TECTA: variants seen among roughly 807,000 people sequenced by gnomAD.
TECTA encodes alpha-tectorin.
In TECTA, 128 loss-of-function variants were observed where a neutral mutation model predicts 216.8. The observed-to-expected ratio is 0.59, with a 90% CI of 0.51 to 0.68. The LOEUF is 0.68. Among genes scored for constraint, TECTA ranks in the 30% least tolerant of loss-of-function variants. The pLI is 0.00. For missense variants in TECTA, 2,551 were observed against 2,786.2 expected, an observed-to-expected ratio of 0.92 and a Z score of 1.90; for synonymous variants, 1,089 against 1,117.1, an observed-to-expected ratio of 0.97 and a Z score of 0.50.
chr11:121,127,679 G>A lies in TECTA; in HGVS notation c.1775-73G>A, dbSNP rs1946626178. 1 of 1,545,852 alleles carries A rather than the reference G, an allele frequency of 6.5e-7. No individual in the cohort carries two copies. The highest frequency in any genetic ancestry group is 1.1e-5 in the South Asian group (1 of 89,706). On this transcript the variant is annotated intron_variant, in intron 8 of 23. Coordinates refer to ENST00000392793, the MANE Select transcript of TECTA (RefSeq NM_005422.4). This position sits in a 1 kb window ranked among gnomAD's most constrained non-coding sequence, Gnocchi z 5.0. ...AGGAACTAAATGATCCAGGAGGAGCGTTAAGATTCTGGCGGGTTAGCACTC... is the reference window on the plus strand; with the variant it reads ...AGGAACTAAATGATCCAGGAGGAGCATTAAGATTCTGGCGGGTTAGCACTC...
intron 14 of TECTA, among the ~76,000 whole-genome samples, chr11:121,158,701 C>A (rs949586742): frequency 6.6e-6 from 1 of 152,090 alleles, no homozygotes; most frequent in Non-Finnish European, 1.5e-5. Flanking sequence ...CTGACTCACA[C>A]CCCCATTATC....
At chr11:121,168,297 T>A in intron 19 of TECTA, 80 bp downstream of exon 19, 1 of 1,580,016 alleles carries the variant, frequency 6.3e-7, no homozygotes, top group Non-Finnish European at 8.7e-7. Context: ...ATTGCTAGCG[T>A]TTGTCTTTGA....
chr11:121,119,005 AC>A (rs1946530379), intron 7 of TECTA, among the ~76,000 whole-genome samples: 1 of 118,196 alleles, frequency 8.5e-6, no homozygotes, highest in Non-Finnish European at 1.6e-5. Context: ...ACACACACAC[AC>A]ACACACACAC....
At chr11:121,130,947 G>GGATT (rs1222968837) in intron 10 of TECTA, among the ~76,000 whole-genome samples, 2 of 152,042 alleles carry the variant, frequency 1.3e-5, no homozygotes, top group Non-Finnish European at 2.9e-5. Flanking sequence ...GGGCATGGTG[G>GGATT]CTCACGCCTG....
intron 16 of TECTA, among the ~76,000 whole-genome samples, chr11:121,164,431 G>C (rs1947031066): frequency 6.6e-6 from 1 of 152,128 alleles, no homozygotes; most frequent in African/African-American, 2.4e-5. Flanking sequence ...ATTCTGTCTT[G>C]ATAGGCAGAG....
At chr11:121,145,233 T>C (rs1170266035) in intron 11 of TECTA, among the ~76,000 whole-genome samples, 1 of 152,228 alleles carries the variant, frequency 6.6e-6, no homozygotes, top group Non-Finnish European at 1.5e-5. Flanking sequence ...GTTTTGGTAG[T>C]TCAGTCTAAA....
intron 10 of TECTA, among the ~76,000 whole-genome samples, chr11:121,133,435 T>C (rs991275430): frequency 2.0e-5 from 3 of 152,250 alleles, no homozygotes; most frequent in Non-Finnish European, 4.4e-5. Flanking sequence ...CTGAGCAATG[T>C]TCTTTACGGT....
In TECTA at chr11:121,173,273, G is replaced by A. The variant is rs1316191183; in HGVS notation, c.5999+4348G>A. 7.3e-5 allele frequency among the ~76,000 whole-genome samples: 11 copies of A among 150,752 alleles called. No homozygotes were observed. In the South Asian group the frequency reaches 1.9e-3, roughly 26 times the overall value. On this transcript the variant is annotated intron_variant, in intron 20 of 23. Coordinates refer to ENST00000392793, the MANE Select transcript of TECTA (RefSeq NM_005422.4). ...ACATGAAGTCCTTGCCCATGCCTATGTCCTGAATGGTAAAGCCTAGGTTTT... is the reference window on the plus strand; with the variant it reads ...ACATGAAGTCCTTGCCCATGCCTATATCCTGAATGGTAAAGCCTAGGTTTT...
At chr11:121,160,816 T>C (rs1469919086) in intron 15 of TECTA, among the ~76,000 whole-genome samples, 1 of 152,160 alleles carries the variant, frequency 6.6e-6, no homozygotes, top group African/African-American at 2.4e-5. Flanking sequence ...TGGGTCTAAT[T>C]GTGTGTCCTT....
At chr11:121,107,733 T>C (rs1766026973) in intron 3 of TECTA, among the ~76,000 whole-genome samples, 1 of 152,244 alleles carries the variant, frequency 6.6e-6, no homozygotes, top group Admixed American at 6.5e-5. Context: ...AGAGGCTGAA[T>C]TGTTTACAGG....
intron 9 of TECTA, among the ~76,000 whole-genome samples, chr11:121,128,867 T>C (rs1052882091): frequency 1.3e-5 from 2 of 152,204 alleles, no homozygotes; most frequent in African/African-American, 4.8e-5. Context: ...TGACTTGCTC[T>C]GAAAAACCCA....
chr11:121,164,858 T>A (rs893695891), intron 16 of TECTA, among the ~76,000 whole-genome samples: 1 of 152,204 alleles, frequency 6.6e-6, no homozygotes, highest in Non-Finnish European at 1.5e-5. Context: ...GATGTAGAGA[T>A]AAATGATCTG....
intron 12 of TECTA, among the ~76,000 whole-genome samples, chr11:121,148,780 G>T (rs979147716): frequency 6.6e-6 from 1 of 152,200 alleles, no homozygotes; most frequent in African/African-American, 2.4e-5. Flanking sequence ...TTCTATCAAT[G>T]GAATAATTTA....
intron 12 of TECTA, among the ~76,000 whole-genome samples, chr11:121,150,486 G>A (rs1313712312): frequency 6.6e-6 from 1 of 151,994 alleles, no homozygotes; most frequent in Non-Finnish European, 1.5e-5. Context: ...AGGGAAACTT[G>A]ACAAATTTCA....
intron 1 of TECTA, among the ~76,000 whole-genome samples, chr11:121,102,386 T>C (rs1946354243): frequency 6.6e-6 from 1 of 152,182 alleles, no homozygotes; most frequent in African/African-American, 2.4e-5. Context: ...CGCATACCAC[T>C]CTCACTGATC....
rs1947008052 is a variant in TECTA at position 121,162,241 on chromosome 11, G to C, written c.5143G>C (p.Glu1715Gln). The stretch of plus-strand genomic sequence containing the variant: ...GCTTCTCGATCCCCTCCCATTCTAC[G>C]AGTCCTGCTACCTGGACGGCTGCTA... Reference protein sequence around the residue: ...YGLLDPLPFYESCYLDGCYSH... With the variant: ...YGLLDPLPFYQSCYLDGCYSH... Residue 1715 changes from glutamate (E) to glutamine (Q), a missense_variant, in exon 16 of 24, where the codon GAG (glutamate) becomes CAG (glutamine). By Grantham distance (29) the Glu-to-Gln change is conservative (BLOSUM62 2). Around this residue, in one of 3 missense-constraint regions of TECTA, gnomAD observed 2,375 missense variants for 2,563.9 expected, o/e 0.93. Coordinates refer to ENST00000392793, the MANE Select transcript of TECTA (RefSeq NM_005422.4). 3 of 1,614,120 alleles carry C rather than the reference G, an allele frequency of 1.9e-6. No individual in the cohort carries two copies. The highest frequency in any genetic ancestry group is 1.7e-5 in the Admixed American group (1 of 60,034).
At chr11:121,115,540 G>A (rs189533749) in intron 6 of TECTA, among the ~76,000 whole-genome samples, 51 of 152,324 alleles carry the variant, frequency 3.3e-4, no homozygotes, top group Middle Eastern at 3.4e-3. Context: ...TTTTGGATAG[G>A]AATGAGGAGG....
At chr11:121,169,624 A>C (rs1947091195) in intron 20 of TECTA, among the ~76,000 whole-genome samples, 1 of 152,256 alleles carries the variant, frequency 6.6e-6, no homozygotes, top group African/African-American at 2.4e-5. Context: ...TAAGTGTAAA[A>C]ATCAATGGTT....
At chr11:121,132,031 G>A (rs929949058) in intron 10 of TECTA, among the ~76,000 whole-genome samples, 1 of 152,068 alleles carries the variant, frequency 6.6e-6, no homozygotes, top group African/African-American at 2.4e-5. Flanking sequence ...ATTTTTCAGG[G>A]AAATACTTTA....
Sources: gnomAD v4.1 joint callset for allele counts (sites outside exome capture counted in the v4.1 genomes callset) on GRCh38, gnomAD v4.1.1 for gene constraint, gnomAD v4.1.1 regional missense constraint, Gnocchi (gnomAD v3.1) non-coding constraint, MANE v1.5 for transcripts, NCBI Gene and HGNC (gene_info 2026-07-23, HGNC 2026-07-21) for gene names.